The following SERINC5 variants were observed in gnomAD, a reference collection of about 807,000 sequenced individuals.
The protein encoded by SERINC5 is chromosome 5 open reading frame 12.
Under a neutral mutation model 63.1 loss-of-function variants are expected in SERINC5, and 41 were observed. That is an observed-to-expected ratio of 0.65 (90% CI 0.51 to 0.84). The LOEUF (loss-of-function observed/expected upper bound fraction) is 0.84, where lower values mean the gene tolerates loss of function less well. Ranked by LOEUF, SERINC5 falls within the 40% of genes least tolerant of loss-of-function variation. The pLI, the probability that SERINC5 is intolerant of heterozygous loss-of-function variation, is 0.00. For synonymous variants in SERINC5, 222 were observed against 215.2 expected, an observed-to-expected ratio of 1.03 and a Z score of -0.28; for missense variants, 523 against 573.0, an observed-to-expected ratio of 0.91 and a Z score of 0.89.
At chr5:80,184,689 GC>G (rs1203699764) in intron 2 of SERINC5, among the ~76,000 whole-genome samples, 8 of 152,236 alleles carry the variant, frequency 5.3e-5, no homozygotes, top group Admixed American at 1.3e-4. Flanking sequence ...CAGGATTCTG[GC>G]AAGGGGAATT....
chr5:80,113,469 A>G (rs571589229), intron 12 of SERINC5: 1 of 158,516 alleles, frequency 6.3e-6, no homozygotes, highest in Admixed American at 6.4e-5. Flanking sequence ...TCAGGAGAGC[A>G]AGGATGGGGA....
In SERINC5 at chr5:80,141,083, T is replaced by C; in HGVS notation, c.*2580A>G. 3 of 985,416 alleles carry C rather than the reference T, an allele frequency of 3.0e-6. No individual in the cohort carries two copies. Among genetic ancestry groups the C allele is most frequent in the Non-Finnish European group, 3.6e-6 (3 of 829,890 alleles). 61.0% of individuals were successfully genotyped at this position (985,416 alleles called of 1,614,324 possible). On this transcript the variant is annotated 3_prime_UTR_variant, in exon 12 of 12. Transcript: ENST00000507668. ...GGAATGTTGACTCCTCACCTGAGTA[T>C]TGTATATCACAATTAATAACCATTA...
At chr5:80,160,962 G>GTATA (rs1181085628) in intron 7 of SERINC5, among the ~76,000 whole-genome samples, 2 of 128,354 alleles carry the variant, frequency 1.6e-5, no homozygotes, top group Non-Finnish European at 3.3e-5. Flanking sequence ...ATATATGTGT[G>GTATA]TGTATATATA....
At chr5:80,208,388 C>A (rs1280001032) in intron 1 of SERINC5, among the ~76,000 whole-genome samples, 1 of 148,330 alleles carries the variant, frequency 6.7e-6, no homozygotes, top group African/African-American at 2.5e-5. Flanking sequence ...AAAAAAAAAC[C>A]TAAGCCTATT....
intron 7 of SERINC5, among the ~76,000 whole-genome samples, chr5:80,164,554 T>G (rs555719039): frequency 6.6e-6 from 1 of 152,006 alleles, no homozygotes; most frequent in Non-Finnish European, 1.5e-5. Context: ...GCTAATTTTT[T>G]GTATTTTTTT....
intron 1 of SERINC5, among the ~76,000 whole-genome samples, chr5:80,208,901 A>G (rs1375440535): frequency 6.6e-6 from 1 of 152,212 alleles, no homozygotes; most frequent in African/African-American, 2.4e-5. Flanking sequence ...TGTGTCCCCC[A>G]AAATTCATAT....
chr5:80,210,017 C>A (rs1385282394), intron 1 of SERINC5, among the ~76,000 whole-genome samples: 1 of 151,614 alleles, frequency 6.6e-6, no homozygotes, highest in African/African-American at 2.4e-5. Context: ...GAGATTGCAC[C>A]ATTGCACTCT....
chr5:80,203,274 GTA>G, intron 1 of SERINC5: 6 of 172,636 alleles, frequency 3.5e-5, no homozygotes, highest in Non-Finnish European at 5.8e-5. Flanking sequence ...ATATATATGT[GTA>G]TATATATTTA....
intron 2 of SERINC5, among the ~76,000 whole-genome samples, chr5:80,196,460 T>G (rs1375555435): frequency 2.0e-5 from 3 of 152,146 alleles, no homozygotes; most frequent in African/African-American, 7.2e-5. Context: ...TGTAGCAACT[T>G]TGGAAAATAA....
chr5:80,176,298 A>G (rs770190027), intron 4 of SERINC5, among the ~76,000 whole-genome samples: 22 of 152,266 alleles, frequency 1.4e-4, no homozygotes, highest in Non-Finnish European at 2.8e-4. Context: ...AACTTTTAAC[A>G]GTATTTTAGG....
At chr5:80,173,220 A>G (rs1327429156) in intron 5 of SERINC5, among the ~76,000 whole-genome samples, 1 of 133,814 alleles carries the variant, frequency 7.5e-6, no homozygotes, top group Non-Finnish European at 1.6e-5. Context: ...AAAGGCAGGA[A>G]GGAAAGAAGG....
In SERINC5 at chr5:80,142,964, G is replaced by A. The variant is rs1212521664; in HGVS notation, c.*699C>T. ...TAAGGTGGGGAACCACCTGGGGGGT[G>A]ATCAGACAAATTGTGCTTTTTCACA... On this transcript the variant is annotated 3_prime_UTR_variant, in exon 12 of 12. Transcript: ENST00000507668. 2.0e-6 allele frequency: 2 copies of A among 985,354 alleles called. No homozygotes were observed. The highest frequency in any genetic ancestry group is 1.7e-5 in the African/African-American group (1 of 57,230). The allele number at this position is 985,354 out of a possible 1,614,324, so 61.0% of individuals were successfully genotyped here.
intron 1 of SERINC5, among the ~76,000 whole-genome samples, chr5:80,203,795 T>G (rs967641096): frequency 1.3e-5 from 2 of 152,190 alleles, no homozygotes; most frequent in African/African-American, 4.8e-5. Flanking sequence ...CTTGTACTAA[T>G]GAGGCAACTC....
Position 80,139,320 on chromosome 5 carries a change from A to G in SERINC5, c.*4343T>C. On this transcript the variant is annotated 3_prime_UTR_variant, in exon 12 of 12. Coordinates refer to ENST00000507668, the MANE Select transcript of SERINC5 (RefSeq NM_001174072.3). Reference sequence around the variant, plus strand: ...AAATAGCTCTCCAGACATATATTACAAATCTGCTGTAAGCTTTCTTTACCT... The same window carrying G: ...AAATAGCTCTCCAGACATATATTACGAATCTGCTGTAAGCTTTCTTTACCT... The G allele has an allele frequency of 1.0e-6, 1 of 983,540 alleles. No individual in the cohort carries two copies. The highest frequency in any genetic ancestry group is 1.7e-5 in the African/African-American group (1 of 57,320). The allele number at this position is 983,540 out of a possible 1,614,324, so 60.9% of individuals were successfully genotyped here.
At chr5:80,205,188 A>T (rs534619776) in intron 1 of SERINC5, among the ~76,000 whole-genome samples, 3 of 152,374 alleles carry the variant, frequency 2.0e-5, no homozygotes, top group South Asian at 4.1e-4. Context: ...AGTTTCTCAT[A>T]AAAGCTTTCA....
chr5:80,209,961 T>C lies in SERINC5; in HGVS notation c.28-6908A>G, dbSNP rs926009456. ...TACTTGGGAGGCTGAGGCAGGAGGA[T>C]TGCCTCCCAAATAGCTGGGACCACG... On this transcript the variant is annotated intron_variant, in intron 1 of 11. Transcript: ENST00000507668. Among the ~76,000 whole-genome samples the C allele has an allele frequency of 9.2e-5, 14 of 151,648 alleles. No homozygotes were observed. The East Asian group carries it at 2.2e-3, about 24-fold the overall frequency.
At chr5:80,130,429 G>A (rs1744900316) in intron 11 of SERINC5, among the ~76,000 whole-genome samples, 1 of 152,106 alleles carries the variant, frequency 6.6e-6, no homozygotes, top group Non-Finnish European at 1.5e-5. Context: ...GCTGGTTGTG[G>A]TGGCTTGTGT....
intron 1 of SERINC5, among the ~76,000 whole-genome samples, chr5:80,217,391 C>A (rs1322705930): frequency 6.6e-6 from 1 of 152,182 alleles, no homozygotes; most frequent in South Asian, 2.1e-4. Flanking sequence ...TCCCCAAACC[C>A]TGCCAAGCCA....
chr5:80,241,964 A>G (rs1751957384), intron 1 of SERINC5, among the ~76,000 whole-genome samples: 1 of 151,608 alleles, frequency 6.6e-6, no homozygotes. Flanking sequence ...TCTCCACAAA[A>G]GAGAATTAAA....
Sources: allele counts gnomAD v4.1 joint callset (sites outside exome capture counted in the v4.1 genomes callset), GRCh38; gene constraint gnomAD v4.1.1; transcripts MANE v1.5; gene names NCBI Gene and HGNC (gene_info 2026-07-23, HGNC 2026-07-21).